The following GRM3 variants were observed in gnomAD, a reference collection of about 807,000 sequenced individuals.
GRM3 encodes metabotropic glutamate receptor 3.
In GRM3, 26 loss-of-function variants were observed where a neutral mutation model predicts 70.5. That is an observed-to-expected ratio of 0.37 (90% CI 0.27 to 0.51). The LOEUF (loss-of-function observed/expected upper bound fraction) is 0.51. Among genes scored for constraint, GRM3 ranks in the 20% least tolerant of loss-of-function variants. GRM3 has a pLI of 0.93. For missense variants in GRM3, 859 were observed against 1,123.8 expected (o/e 0.76, Z 3.37); for synonymous variants, 443 against 434.9 (o/e 1.02, Z -0.23).
chr7:86,716,058 C>T (rs78713218), intron 1 of GRM3, among the ~76,000 whole-genome samples: 88 of 152,064 alleles, frequency 5.8e-4, no homozygotes, highest in African/African-American at 2.1e-3. Context: ...AATTAACATA[C>T]CTTCTTTGCA....
At chr7:86,778,931 G>A (rs1481211384) in intron 2 of GRM3, among the ~76,000 whole-genome samples, 1 of 152,118 alleles carries the variant, frequency 6.6e-6, no homozygotes, top group Non-Finnish European at 1.5e-5. Flanking sequence ...CTGAAGTAGG[G>A]TAGGTTCCTA....
intron 1 of GRM3, among the ~76,000 whole-genome samples, chr7:86,671,579 G>T (rs1007742306): frequency 6.6e-6 from 1 of 152,112 alleles, no homozygotes; most frequent in African/African-American, 2.4e-5. Flanking sequence ...CTACTGAAAT[G>T]AATTATTTCA....
At chr7:86,796,008 C>T (rs1309955618) in intron 3 of GRM3, among the ~76,000 whole-genome samples, 3 of 152,048 alleles carry the variant, frequency 2.0e-5, no homozygotes, top group African/African-American at 2.4e-5. Flanking sequence ...TCTCCCGTTC[C>T]GTAGGTTGGT....
intron 3 of GRM3, among the ~76,000 whole-genome samples, chr7:86,822,191 G>A (rs1001412077): frequency 1.3e-5 from 2 of 151,956 alleles, no homozygotes; most frequent in African/African-American, 4.8e-5. Flanking sequence ...AATATACGGT[G>A]CAGGATAAAC....
At chr7:86,675,080 A>G (rs1382439891) in intron 1 of GRM3, among the ~76,000 whole-genome samples, 1 of 152,136 alleles carries the variant, frequency 6.6e-6, no homozygotes, top group Non-Finnish European at 1.5e-5. Context: ...GCAACATATT[A>G]TTCATTTTGT....
chr7:86,832,704 T>C (rs538075983), intron 3 of GRM3, among the ~76,000 whole-genome samples: 1 of 152,224 alleles, frequency 6.6e-6, no homozygotes, highest in East Asian at 1.9e-4. Context: ...GAATTTAATC[T>C]CTCCTGCCAT....
intron 3 of GRM3, among the ~76,000 whole-genome samples, chr7:86,798,787 G>C (rs969144027): frequency 6.6e-6 from 1 of 152,166 alleles, no homozygotes; most frequent in Non-Finnish European, 1.5e-5. Context: ...TTGAATTGTA[G>C]CTCCAATAAT....
rs572154959 is a variant in GRM3 at position 86,738,868 on chromosome 7, C to A, written c.-140-26138C>A. On this transcript the variant is annotated intron_variant, in intron 1 of 5. Coordinates refer to ENST00000361669, the MANE Select transcript of GRM3 (RefSeq NM_000840.3). ...ATAGAGCTAATTAACATATCCATTA[C>A]CTTATATACCTGGTTTTTTGTGGTG... 2.0e-5 allele frequency among the ~76,000 whole-genome samples: 3 copies of A among 152,246 alleles called. No homozygotes were observed. In the South Asian group the frequency reaches 6.2e-4, roughly 32 times the overall value.
At chr7:86,758,026 T>C (rs898046954) in intron 1 of GRM3, among the ~76,000 whole-genome samples, 3 of 152,198 alleles carry the variant, frequency 2.0e-5, no homozygotes, top group African/African-American at 7.2e-5. Flanking sequence ...TCCTAAATCC[T>C]AATTCTGTAT....
intron 1 of GRM3, among the ~76,000 whole-genome samples, chr7:86,691,672 C>T (rs1362811953): frequency 6.6e-6 from 1 of 152,106 alleles, no homozygotes; most frequent in Non-Finnish European, 1.5e-5. Context: ...AATGCCTTTA[C>T]CATGGGAGTA....
At chr7:86,864,111 G>A (rs948896736) in intron 5 of GRM3, among the ~76,000 whole-genome samples, 171 bp from the exon 6 acceptor site, 2 of 148,716 alleles carry the variant, frequency 1.3e-5, no homozygotes, top group Non-Finnish European at 2.9e-5. Context: ...TGAGATTTTG[G>A]TGCACCCATC....
chr7:86,761,723 AT>A (rs1796484521), intron 1 of GRM3, among the ~76,000 whole-genome samples: 1 of 152,046 alleles, frequency 6.6e-6, no homozygotes, highest in African/African-American at 2.4e-5. Context: ...CTTCTTTATC[AT>A]TTTTGTTCAT....
rs1394456733 is a variant in GRM3 at position 86,839,170 on chromosome 7, A to G, written c.1656A>G (p.Gly552=). ...TTACCTGTATGGATTGTGGGTCTGGACAGTGGCCCACTGCAGACCTAACTG... is the reference window on the plus strand; with the variant it reads ...TTACCTGTATGGATTGTGGGTCTGGGCAGTGGCCCACTGCAGACCTAACTG... ...DEFTCMDCGS[G]QWPTADLTGC... is the part of the protein sequence containing the mutation. The change falls in exon 4 of 6, where the codon GGA becomes GGG. Residue 552 remains glycine, a synonymous_variant. Coordinates refer to ENST00000361669, the MANE Select transcript of GRM3 (RefSeq NM_000840.3). The surrounding 1 kb of genome is among the most constrained non-coding windows in gnomAD (Gnocchi z 4.5). 1.9e-5 allele frequency: 30 copies of G among 1,613,306 alleles called. No homozygotes were observed. Among genetic ancestry groups the G allele is most frequent in the Non-Finnish European group, 2.5e-5 (29 of 1,179,366 alleles).
chr7:86,714,464 T>C (rs1370653091), intron 1 of GRM3, among the ~76,000 whole-genome samples: 1 of 151,730 alleles, frequency 6.6e-6, no homozygotes, highest in Non-Finnish European at 1.5e-5. Flanking sequence ...CCATACAAGA[T>C]GAAAAAAGAG....
At position 86,756,783 on chromosome 7, in the gene GRM3, A is replaced by G. The variant is rs12531897; in HGVS notation, c.-140-8223A>G. 9.3e-3 allele frequency among the ~76,000 whole-genome samples: 1,410 copies of G among 152,216 alleles called. 43 individuals carry two copies. The highest frequency in any genetic ancestry group is 0.07 in the Admixed American group (1,076 of 15,280). On this transcript the variant is annotated intron_variant, in intron 1 of 5. Coordinates refer to ENST00000361669, the MANE Select transcript of GRM3 (RefSeq NM_000840.3). ...GGGGAATTTTTTGGCCATTACTTCA[A>G]GTATTTTCTCTCATTCATCTCTCCT...
At chr7:86,825,242 G>A (rs543742181) in intron 3 of GRM3, among the ~76,000 whole-genome samples, 5 of 152,300 alleles carry the variant, frequency 3.3e-5, no homozygotes, top group African/African-American at 4.8e-5. Flanking sequence ...TAACCCTTAC[G>A]TTAAAAGGGA....
chr7:86,701,379 A>T (rs1159233636), intron 1 of GRM3, among the ~76,000 whole-genome samples: 1 of 151,858 alleles, frequency 6.6e-6, no homozygotes, highest in Non-Finnish European at 1.5e-5. Flanking sequence ...AATCTAAATT[A>T]TTTTTTAGAA....
intron 1 of GRM3, among the ~76,000 whole-genome samples, chr7:86,683,982 C>A (rs534259956): frequency 3.3e-5 from 5 of 152,218 alleles, no homozygotes; most frequent in East Asian, 3.9e-4. Flanking sequence ...TCCTTTGAAG[C>A]TCTAAATATT....
chr7:86,806,067 AG>A (rs1354421438), intron 3 of GRM3, among the ~76,000 whole-genome samples: 6 of 152,160 alleles, frequency 3.9e-5, no homozygotes, highest in Non-Finnish European at 7.3e-5. Flanking sequence ...GTCCCTGCAA[AG>A]GACATGAACT....
Sources: gnomAD v4.1 joint callset for allele counts (sites outside exome capture counted in the v4.1 genomes callset) on GRCh38, gnomAD v4.1.1 for gene constraint, Gnocchi (gnomAD v3.1) non-coding constraint, MANE v1.5 for transcripts, NCBI Gene and HGNC (gene_info 2026-07-23, HGNC 2026-07-21) for gene names.